Variants in PLXDC2 observed in about 807,000 individuals in gnomAD.
PLXDC2 encodes the protein plexin domain-containing protein 2.
Under a neutral mutation model 68.9 loss-of-function variants are expected in PLXDC2, and 40 were observed. The observed-to-expected ratio is 0.58, with a 90% confidence interval of 0.45 to 0.76. The LOEUF (loss-of-function observed/expected upper bound fraction) is 0.76. Ranked by LOEUF, PLXDC2 falls within the 30% of genes least tolerant of loss-of-function variation. The pLI, the probability that PLXDC2 is intolerant of heterozygous loss-of-function variation, is 0.00. For missense variants in PLXDC2, 644 were observed against 661.9 expected (o/e 0.97, Z 0.30); for synonymous variants, 243 against 234.2 (o/e 1.04, Z -0.34).
chr10:20,009,274 G>A (rs577734211), intron 2 of PLXDC2, among the ~76,000 whole-genome samples: 3 of 152,312 alleles, frequency 2.0e-5, no homozygotes, highest in South Asian at 2.1e-4. Flanking sequence ...CAAGGAGAAT[G>A]TGATAGTGTA....
intron 2 of PLXDC2, among the ~76,000 whole-genome samples, chr10:20,006,887 T>C (rs149150567): frequency 2.4e-4 from 36 of 152,368 alleles, no homozygotes; most frequent in African/African-American, 8.7e-4. Flanking sequence ...AATGCCGCTA[T>C]TGATCTGAAT....
intron 1 of PLXDC2, among the ~76,000 whole-genome samples, chr10:19,927,566 G>T (rs1228146554): frequency 4.0e-5 from 6 of 151,760 alleles, no homozygotes; most frequent in Admixed American, 3.9e-4. Context: ...GCTGGGCGTG[G>T]TGGCGCATGG....
At chr10:20,135,232 T>C (rs1833918941) in intron 4 of PLXDC2, among the ~76,000 whole-genome samples, 1 of 152,200 alleles carries the variant, frequency 6.6e-6, no homozygotes, top group Admixed American at 6.5e-5. Flanking sequence ...TCTATTTTGA[T>C]AGAGGAAATA....
intron 1 of PLXDC2, among the ~76,000 whole-genome samples, chr10:19,895,920 TAA>T (rs1229870927): frequency 6.6e-6 from 1 of 152,068 alleles, no homozygotes; most frequent in South Asian, 2.1e-4. Context: ...ACTCTGTCTC[TAA>T]AAAAATTTTA....
chr10:19,841,533 C>A (rs1589495332), intron 1 of PLXDC2, among the ~76,000 whole-genome samples: 1 of 132,588 alleles, frequency 7.5e-6, no homozygotes, highest in African/African-American at 2.8e-5. Flanking sequence ...TGGTGTGTTT[C>A]AGGGTTTTTT....
chr10:20,066,719 G>T (rs1325629218), intron 3 of PLXDC2, among the ~76,000 whole-genome samples: 1 of 152,130 alleles, frequency 6.6e-6, no homozygotes, highest in Non-Finnish European at 1.5e-5. Flanking sequence ...TAAATTTTGA[G>T]TGATTAATTT....
chr10:19,938,983 GA>G (rs924170775), intron 1 of PLXDC2, among the ~76,000 whole-genome samples: 1 of 151,840 alleles, frequency 6.6e-6, no homozygotes, highest in African/African-American at 2.4e-5. Flanking sequence ...GAGTGGGCAT[GA>G]AAAAAAACTG....
intron 1 of PLXDC2, among the ~76,000 whole-genome samples, chr10:19,822,354 A>AAT (rs976632001): frequency 3.3e-5 from 5 of 151,520 alleles, no homozygotes; most frequent in Non-Finnish European, 5.9e-5. Flanking sequence ...ATGTATGTGG[A>AAT]ATATATATCC....
At chr10:19,853,815 C>T (rs542338168) in intron 1 of PLXDC2, among the ~76,000 whole-genome samples, 2 of 152,264 alleles carry the variant, frequency 1.3e-5, no homozygotes, top group South Asian at 4.1e-4. Flanking sequence ...ATGAACAAAT[C>T]TTGGAATATA....
At chr10:20,228,976 T>G (rs956190122) in intron 12 of PLXDC2, among the ~76,000 whole-genome samples, 2 of 152,106 alleles carry the variant, frequency 1.3e-5, no homozygotes, top group Admixed American at 1.3e-4. Context: ...AGGCAGAATT[T>G]GAGGATTCTG....
At chr10:20,184,169 T>A (rs2131832318) in intron 9 of PLXDC2, among the ~76,000 whole-genome samples, 1 of 151,882 alleles carries the variant, frequency 6.6e-6, no homozygotes, top group Admixed American at 6.6e-5. Context: ...TTCAACTTTG[T>A]TATTTCTACT....
chr10:19,960,194 A>G (rs902662069), intron 1 of PLXDC2, among the ~76,000 whole-genome samples: 6 of 36,494 alleles, frequency 1.6e-4, no homozygotes, highest in Non-Finnish European at 5.4e-4. Flanking sequence ...TCGTCTCAAA[A>G]AAAAAAAAAA....
At chr10:20,128,401 T>C (rs529369050) in intron 4 of PLXDC2, among the ~76,000 whole-genome samples, 4 of 152,314 alleles carry the variant, frequency 2.6e-5, no homozygotes, top group African/African-American at 9.6e-5. Flanking sequence ...TTTGTATATA[T>C]TTAAGATGCA....
At chr10:20,262,515 TG>T (rs1318430857) in intron 13 of PLXDC2, among the ~76,000 whole-genome samples, 1 of 152,148 alleles carries the variant, frequency 6.6e-6, no homozygotes, top group African/African-American at 2.4e-5. Context: ...CTGCCATCTT[TG>T]GCACTTTAGC....
chr10:20,235,152 T>C (rs1275164999), intron 12 of PLXDC2, among the ~76,000 whole-genome samples: 1 of 152,170 alleles, frequency 6.6e-6, no homozygotes, highest in Non-Finnish European at 1.5e-5. Context: ...TGGTTGCAAG[T>C]ACGTGAGAGG....
At chr10:20,122,842 C>A (rs953343408) in intron 4 of PLXDC2, among the ~76,000 whole-genome samples, 4 of 152,018 alleles carry the variant, frequency 2.6e-5, no homozygotes, top group African/African-American at 9.7e-5. Flanking sequence ...TATTTAGTGT[C>A]GGGAGCAGAT....
At chr10:19,904,816 G>A (rs1034383337) in intron 1 of PLXDC2, among the ~76,000 whole-genome samples, 1 of 152,208 alleles carries the variant, frequency 6.6e-6, no homozygotes. Flanking sequence ...AGCCAAGGAT[G>A]TATGTTATTA....
intron 6 of PLXDC2, among the ~76,000 whole-genome samples, chr10:20,157,633 G>T (rs938067135): frequency 1.3e-5 from 2 of 152,152 alleles, no homozygotes; most frequent in Non-Finnish European, 2.9e-5. Flanking sequence ...TTCTGTCTTT[G>T]ACTCTCCTTC....
chr10:19,994,190 C>T (rs1834800212), intron 1 of PLXDC2, among the ~76,000 whole-genome samples: 1 of 147,254 alleles, frequency 6.8e-6, no homozygotes, highest in Admixed American at 6.8e-5. Flanking sequence ...GTCCAGTGAG[C>T]TATTTTGGGG....
Sources: allele counts gnomAD v4.1 joint callset (sites outside exome capture counted in the v4.1 genomes callset), GRCh38; gene constraint gnomAD v4.1.1; transcripts MANE v1.5; gene names NCBI Gene and HGNC (gene_info 2026-07-23, HGNC 2026-07-21).